TSPAN18: variants seen among roughly 807,000 people sequenced by gnomAD.
TSPAN18 encodes tetraspanin-18.
TSPAN18 carries 14 observed loss-of-function variants against 27.3 expected under a neutral mutation model. The observed-to-expected ratio is 0.51, with a 90% CI of 0.34 to 0.80. The LOEUF is 0.80. TSPAN18 is among the 30% of genes least tolerant of loss of function. The pLI, the probability that TSPAN18 is intolerant of heterozygous loss-of-function variation, is 0.01. For synonymous variants in TSPAN18, 143 were observed against 136.5 expected, an observed-to-expected ratio of 1.05 and a Z score of -0.33; for missense variants, 268 against 323.9, an observed-to-expected ratio of 0.83 and a Z score of 1.32.
chr11:44,777,266 A>G (rs1488801217), intron 2 of TSPAN18, among the ~76,000 whole-genome samples: 1 of 152,162 alleles, frequency 6.6e-6, no homozygotes, highest in Non-Finnish European at 1.5e-5. Context: ...CATGGAGTGA[A>G]GAGACCTATG....
chr11:44,742,658 C>G (rs1431867150), intron 1 of TSPAN18, among the ~76,000 whole-genome samples: 1 of 151,938 alleles, frequency 6.6e-6, no homozygotes, highest in Non-Finnish European at 1.5e-5. Flanking sequence ...GTCCCTCTCT[C>G]AGAGGCCAGT....
intron 5 of TSPAN18, among the ~76,000 whole-genome samples, 172 bp downstream of exon 5, chr11:44,910,071 G>A (rs150580789): frequency 0.012 from 1,845 of 152,318 alleles, 15 homozygotes; most frequent in Non-Finnish European, 0.019. Context: ...CCACTCATTT[G>A]GTAGTCAATG....
At position 44,915,585 on chromosome 11, in the gene TSPAN18, G is replaced by A. The variant is rs188744312; in HGVS notation, c.259-2387G>A. ...GTCCCTCATCCAGATGTGCCAGCAG[G>A]CCACCCAGCAAACCTCAGCCAGGCA... On this transcript the variant is annotated intron_variant, in intron 5 of 9. Transcript: ENST00000520358. Among the ~76,000 whole-genome samples, 382 of 152,274 alleles carry A rather than the reference G, an allele frequency of 2.5e-3. 2 individuals carry two copies. The highest frequency in any genetic ancestry group is 8.7e-3 in the African/African-American group (362 of 41,554).
chr11:44,915,573 A>G lies in TSPAN18; in HGVS notation c.259-2399A>G, dbSNP rs185466884. ...ATCTGGCCTGGTGTCCCTCATCCAG[A>G]TGTGCCAGCAGGCCACCCAGCAAAC... On this transcript the variant is annotated intron_variant, in intron 5 of 9. Coordinates refer to ENST00000520358, the MANE Select transcript of TSPAN18 (RefSeq NM_130783.5). 1.8e-3 allele frequency among the ~76,000 whole-genome samples: 280 copies of G among 152,194 alleles called. 2 individuals are homozygous for G. Among genetic ancestry groups the G allele is most frequent in the African/African-American group, 6.4e-3 (267 of 41,526 alleles).
intron 9 of TSPAN18, among the ~76,000 whole-genome samples, chr11:44,927,450 A>G (rs948181862): frequency 6.6e-6 from 1 of 152,092 alleles, no homozygotes; most frequent in Non-Finnish European, 1.5e-5. Context: ...CGGGGGAAGG[A>G]AGTCAGGCAG....
At chr11:44,783,653 T>C (rs530451277) in intron 2 of TSPAN18, among the ~76,000 whole-genome samples, 146 of 152,272 alleles carry the variant, frequency 9.6e-4, no homozygotes, top group South Asian at 4.4e-3. Flanking sequence ...TGCCTCAGCC[T>C]CCCAGAGTGC....
At position 44,882,587 on chromosome 11, in the gene TSPAN18, G is replaced by GACACACACACAC. The variant is rs748475836; in HGVS notation, c.-11+22148_-11+22159dup. On this transcript the variant is annotated intron_variant, in intron 3 of 9. Transcript: ENST00000520358. ...TCACCAGGAAATGGTCAGAGAGAGA[G>GACACACACACAC]ACACACACACACACACACACACACA... Among the ~76,000 whole-genome samples, 1,121 of 130,808 alleles carry GACACACACACAC rather than the reference G, an allele frequency of 8.6e-3. 23 individuals carry two copies. The highest frequency in any genetic ancestry group is 0.03 in the African/African-American group (1,003 of 33,496). The allele number at this position is 130,808 out of a possible 152,430, so 85.8% of individuals were successfully genotyped here. A position where few individuals can be genotyped will look rare whatever the true frequency, so the allele number is the denominator to read the frequency against.
chr11:44,914,441 G>A (rs1859831255), intron 5 of TSPAN18, among the ~76,000 whole-genome samples: 1 of 152,196 alleles, frequency 6.6e-6, no homozygotes, highest in South Asian at 2.1e-4. Flanking sequence ...CAGCCATAGT[G>A]TTGCATTCAT....
At chr11:44,811,634 G>A (rs1856719254) in intron 2 of TSPAN18, among the ~76,000 whole-genome samples, 1 of 151,734 alleles carries the variant, frequency 6.6e-6, no homozygotes, top group African/African-American at 2.4e-5. Flanking sequence ...TAATTTTTTT[G>A]TATTTTTGAT....
intron 2 of TSPAN18, among the ~76,000 whole-genome samples, chr11:44,853,086 G>C (rs1323849928): frequency 6.6e-6 from 1 of 152,204 alleles, no homozygotes. Flanking sequence ...ACAGCAGGTG[G>C]AGAAGTTAGA....
At chr11:44,821,655 T>C (rs1049111586) in intron 2 of TSPAN18, among the ~76,000 whole-genome samples, 6 of 152,212 alleles carry the variant, frequency 3.9e-5, no homozygotes, top group Non-Finnish European at 8.8e-5. Flanking sequence ...AATGGGGATA[T>C]ACTTGACCCT....
chr11:44,775,831 A>G (rs1855794249), intron 2 of TSPAN18, among the ~76,000 whole-genome samples: 1 of 152,250 alleles, frequency 6.6e-6, no homozygotes, highest in Non-Finnish European at 1.5e-5. Context: ...TGATAAAAAT[A>G]TAAAGCTAAG....
chr11:44,929,143 A>T lies in TSPAN18; in HGVS notation c.712A>T (p.Ile238Phe), dbSNP rs755558186. 1 of 1,613,418 alleles carries T rather than the reference A, an allele frequency of 6.2e-7. No individual in the cohort carries two copies. Among genetic ancestry groups the T allele is most frequent in the Non-Finnish European group, 8.5e-7 (1 of 1,180,000 alleles). The change falls in exon 10 of 10, where the codon ATC becomes TTC. Residue 238 changes from isoleucine to phenylalanine, a missense_variant. Ile to Phe is a conservative substitution (Grantham distance 21). Coordinates refer to ENST00000520358, the MANE Select transcript of TSPAN18 (RefSeq NM_130783.5). ...TCTTTTTTTGCAGCTTTTCGCCATG[A>T]TCTTTGCCATGTGCCTCTTCCGGGG... ...GVLAIELFAM[I>F]FAMCLFRGIQ
At chr11:44,920,062 G>A (rs1860070129) in intron 8 of TSPAN18, 63 bp downstream of exon 8, 2 of 1,522,058 alleles carry the variant, frequency 1.3e-6, no homozygotes, top group Non-Finnish European at 1.8e-6. Flanking sequence ...CCAGAGCTGG[G>A]TGGGAGGCGC....
intron 3 of TSPAN18, chr11:44,886,400 T>G (rs556128152): frequency 6.6e-6 from 1 of 152,164 alleles, no homozygotes; most frequent in Non-Finnish European, 1.5e-5. Flanking sequence ...CGCCACTTAG[T>G]TCATCCCAAG....
chr11:44,826,291 G>A (rs540363218), intron 2 of TSPAN18, among the ~76,000 whole-genome samples: 1 of 152,348 alleles, frequency 6.6e-6, no homozygotes, highest in African/African-American at 2.4e-5. Context: ...GGGCATTGTG[G>A]TGCATGCCTG....
At chr11:44,771,837 T>G (rs925677067) in intron 2 of TSPAN18, among the ~76,000 whole-genome samples, 27 of 152,214 alleles carry the variant, frequency 1.8e-4, no homozygotes, top group African/African-American at 6.5e-4. Flanking sequence ...ATTAATACAT[T>G]TTGATATCAA....
chr11:44,814,819 T>G (rs904896947), intron 2 of TSPAN18, among the ~76,000 whole-genome samples: 5 of 152,174 alleles, frequency 3.3e-5, no homozygotes, highest in Non-Finnish European at 7.3e-5. Flanking sequence ...TAGAGCAGGC[T>G]GCTAAAACTA....
chr11:44,785,682 C>A (rs564854078), intron 2 of TSPAN18, among the ~76,000 whole-genome samples: 85 of 152,298 alleles, frequency 5.6e-4, no homozygotes, highest in African/African-American at 2.0e-3. Flanking sequence ...GGGCCTCCCC[C>A]TGCCCCTTTC....
Sources: gnomAD v4.1 joint callset for allele counts (sites outside exome capture counted in the v4.1 genomes callset) on GRCh38, gnomAD v4.1.1 for gene constraint, MANE v1.5 for transcripts, NCBI Gene and HGNC (gene_info 2026-07-23, HGNC 2026-07-21) for gene names.